Variants in PIK3C2G observed in about 807,000 individuals in gnomAD.
PIK3C2G encodes phosphatidylinositol-4-phosphate 3-kinase catalytic subunit type 2 gamma.
A neutral mutation model predicts 181.1 loss-of-function variants in PIK3C2G; 168 were observed. The ratio of observed to expected loss-of-function variants is 0.93; its 90% CI spans 0.82 to 1.05. The LOEUF (loss-of-function observed/expected upper bound fraction) is 1.05. Ranked by LOEUF, PIK3C2G falls within the 50% of genes least tolerant of loss-of-function variation. PIK3C2G has a pLI of 0.00. For synonymous variants in PIK3C2G, 573 were observed against 592.2 expected (o/e 0.97, Z 0.47); for missense variants, 1,869 against 1,732.8 (o/e 1.08, Z -1.40).
At chr12:18,652,805 A>C (rs958564333), downstream of PIK3C2G, among the ~76,000 whole-genome samples, 1 of 151,902 alleles carries the variant, frequency 6.6e-6, no homozygotes, top group African/African-American at 2.4e-5. Flanking sequence ...AGAAAGAATT[A>C]TTATGTCTCC....
intron 26 of PIK3C2G, among the ~76,000 whole-genome samples, chr12:18,551,864 T>C (rs1427477065): frequency 1.3e-5 from 2 of 152,120 alleles, no homozygotes; most frequent in Non-Finnish European, 2.9e-5. Context: ...CATTGCCCAA[T>C]ATTCCTCAGT....
intron 18 of PIK3C2G, among the ~76,000 whole-genome samples, chr12:18,464,600 A>T (rs1431133950): frequency 6.6e-6 from 1 of 152,088 alleles, no homozygotes; most frequent in African/African-American, 2.4e-5. Flanking sequence ...GACTTTAATT[A>T]TTCCAATTCA....
At chr12:18,402,588 T>C (rs1944305850) in intron 16 of PIK3C2G, among the ~76,000 whole-genome samples, 1 of 152,176 alleles carries the variant, frequency 6.6e-6, no homozygotes, top group African/African-American at 2.4e-5. Flanking sequence ...ATCTCTCTAA[T>C]ATCTTTAAAG....
the PIK3C2G span, chr12:18,688,337 C>CA: frequency 9.7e-7 from 1 of 1,029,640 alleles, no homozygotes; most frequent in Non-Finnish European, 1.4e-6. Context: ...CTCCCACAAA[C>CA]ATTGAAAGTG....
the PIK3C2G span, chr12:18,699,904 T>A: frequency 1.9e-6 from 3 of 1,612,592 alleles, no homozygotes; most frequent in Non-Finnish European, 2.5e-6. Context: ...AGCTTTCGTA[T>A]AAATGACAAG....
intron 20 of PIK3C2G, 70 bp downstream of exon 20, chr12:18,491,628 T>C (rs1351771213): frequency 8.4e-6 from 7 of 830,866 alleles, no homozygotes; most frequent in Non-Finnish European, 1.2e-5. Flanking sequence ...TGTATATGTT[T>C]GAAATGGCAA....
chr12:18,559,406 C>A (rs1945177669), intron 26 of PIK3C2G, among the ~76,000 whole-genome samples: 1 of 151,936 alleles, frequency 6.6e-6, no homozygotes, highest in Admixed American at 6.6e-5. Context: ...CAGAAGGAAG[C>A]TAAGGGAAAC....
rs536933279 is a variant in PIK3C2G, at chr12:18,395,379, A to C, written c.2126+4127A>C. Among the ~76,000 whole-genome samples, 31 of 151,246 alleles carry C rather than the reference A, an allele frequency of 2.0e-4. No homozygotes were observed. In the East Asian group the frequency reaches 5.8e-3, roughly 28 times the overall value. Reference sequence around the variant, plus strand: ...GAATACTATCTTTGTGTTAAAGATGAAAACAACTTTTTCAAATTAGAACTC... The same window carrying C: ...GAATACTATCTTTGTGTTAAAGATGCAAACAACTTTTTCAAATTAGAACTC... On this transcript the variant is annotated intron_variant, in intron 15 of 32. Coordinates refer to ENST00000538779, the MANE Select transcript of PIK3C2G (RefSeq NM_001288772.2).
chr12:18,330,068 T>C lies in PIK3C2G; in HGVS notation c.1272+4970T>C, dbSNP rs1025227743. The stretch of plus-strand genomic sequence containing the variant: ...AGATTTATGGGAGTTCTTTATATAT[T>C]TACCCTTCCTTCAGTTATGTGTATT... On this transcript the variant is annotated intron_variant, in intron 8 of 32. Coordinates refer to ENST00000538779, the MANE Select transcript of PIK3C2G (RefSeq NM_001288772.2). Among the ~76,000 whole-genome samples the C allele has an allele frequency of 2.6e-5, 4 of 152,236 alleles. No homozygotes were observed. In the South Asian group the frequency reaches 8.3e-4, roughly 32 times the overall value.
At chr12:18,329,390 C>G (rs1415619603) in intron 8 of PIK3C2G, among the ~76,000 whole-genome samples, 2 of 151,914 alleles carry the variant, frequency 1.3e-5, no homozygotes, top group Non-Finnish European at 2.9e-5. Context: ...CATGTCTCCT[C>G]TCCTCTATGT....
the PIK3C2G span, chr12:18,683,692 G>C: frequency 3.4e-5 from 39 of 1,157,000 alleles, no homozygotes; most frequent in East Asian, 1.9e-3. Flanking sequence ...AATCACCCTG[G>C]AAAGGTGACT....
intron 29 of PIK3C2G, among the ~76,000 whole-genome samples, chr12:18,586,917 A>G (rs888414611): frequency 8.8e-5 from 13 of 147,606 alleles, no homozygotes; most frequent in Non-Finnish European, 1.7e-4. Context: ...GCAAATCAAT[A>G]AATGTAATTC....
chr12:18,290,238 T>C (rs180993512), intron 3 of PIK3C2G, among the ~76,000 whole-genome samples: 10 of 152,286 alleles, frequency 6.6e-5, no homozygotes, highest in Non-Finnish European at 5.9e-5. Flanking sequence ...AAGTCAAGGC[T>C]TCTGGCTCCA....
intron 18 of PIK3C2G, among the ~76,000 whole-genome samples, chr12:18,458,337 T>C (rs1947738447): frequency 2.0e-5 from 3 of 152,186 alleles, no homozygotes; most frequent in Non-Finnish European, 4.4e-5. Context: ...CCAAAGAACT[T>C]GCTTCTATGA....
At chr12:18,518,130 G>A (rs932785649) in intron 24 of PIK3C2G, among the ~76,000 whole-genome samples, 2 of 152,102 alleles carry the variant, frequency 1.3e-5, no homozygotes, top group Admixed American at 6.5e-5. Flanking sequence ...TGCTGGATTC[G>A]GTTTGCCAAT....
chr12:18,705,648 C>T, the PIK3C2G span, among the ~76,000 whole-genome samples: 1 of 151,586 alleles, frequency 6.6e-6, no homozygotes, highest in Non-Finnish European at 1.5e-5. Context: ...GGCGGATCAC[C>T]TGAGGTCAGG....
At chr12:18,307,569 T>C (rs1276201274) in intron 5 of PIK3C2G, among the ~76,000 whole-genome samples, 1 of 151,918 alleles carries the variant, frequency 6.6e-6, no homozygotes, top group Non-Finnish European at 1.5e-5. Flanking sequence ...ATTCCCAGTG[T>C]GGCCTTTTCT....
At chr12:18,247,389 G>A (rs527560138), upstream of PIK3C2G, among the ~76,000 whole-genome samples, 1 of 152,244 alleles carries the variant, frequency 6.6e-6, no homozygotes, top group African/African-American at 2.4e-5. Context: ...GCGTGCCAGA[G>A]ACATTTAGGA....
the PIK3C2G span, among the ~76,000 whole-genome samples, chr12:18,687,043 C>G: frequency 6.6e-6 from 1 of 152,072 alleles, no homozygotes; most frequent in African/African-American, 2.4e-5. Context: ...TTCATGACAT[C>G]AGCAGTTACT....
Sources: gnomAD v4.1 joint callset for allele counts (sites outside exome capture counted in the v4.1 genomes callset) on GRCh38, gnomAD v4.1.1 for gene constraint, MANE v1.5 for transcripts, NCBI Gene and HGNC (gene_info 2026-07-23, HGNC 2026-07-21) for gene names.